The following DCLK3 variants were observed in gnomAD, a reference collection of about 807,000 sequenced individuals.
DCLK3 encodes the protein doublecortin like kinase 3, also known as serine/threonine-protein kinase DCLK3.
In DCLK3, 30 loss-of-function variants were observed where a neutral mutation model predicts 46.4. The observed-to-expected ratio is 0.65, with a 90% confidence interval of 0.48 to 0.88. The LOEUF (loss-of-function observed/expected upper bound fraction) is 0.88. DCLK3 is among the 40% of genes least tolerant of loss of function. The probability of loss-of-function intolerance (pLI) is 0.00; values close to 1 mark genes in which losing one functional copy is unlikely to be tolerated. For missense variants in DCLK3, 846 were observed against 907.1 expected (o/e 0.93, Z 0.87); for synonymous variants, 401 against 339.2 (o/e 1.18, Z -2.00).
rs547610267 is a variant in DCLK3, at chr3:36,735,373, G to T, written c.1959+1835C>A. ...AATTGTTCAAAGAGAGTTATTTGAT[G>T]GTAATTCAGACCCCTCATCCAACCA... On this transcript the variant is annotated intron_variant, in intron 2 of 4. Transcript: ENST00000636136. 2.6e-5 allele frequency among the ~76,000 whole-genome samples: 4 copies of T among 152,290 alleles called. No homozygotes were observed. The East Asian group carries it at 5.8e-4, about 22-fold the overall frequency.
chr3:36,716,599 C>A (rs1203786694), intron 4 of DCLK3, among the ~76,000 whole-genome samples: 1 of 152,258 alleles, frequency 6.6e-6, no homozygotes, highest in Non-Finnish European at 1.5e-5. Flanking sequence ...CAAGCTCTGT[C>A]TAACCCCTCC....
chr3:36,749,200 TGA>T (rs1478421919), intron 1 of DCLK3, among the ~76,000 whole-genome samples: 2 of 152,222 alleles, frequency 1.3e-5, no homozygotes, highest in Non-Finnish European at 2.9e-5. Context: ...TGATTGGGGC[TGA>T]GTTTCGCTTT....
intron 2 of DCLK3, among the ~76,000 whole-genome samples, chr3:36,734,442 A>G (rs1701235213): frequency 6.6e-6 from 1 of 152,210 alleles, no homozygotes. Context: ...CCTATTCCAC[A>G]TAAGATGGCT....
At chr3:36,730,480 T>C (rs1205709386) in intron 2 of DCLK3, among the ~76,000 whole-genome samples, 3 of 152,274 alleles carry the variant, frequency 2.0e-5, no homozygotes, top group Non-Finnish European at 4.4e-5. Flanking sequence ...AAAGTTCTTT[T>C]TCTTATGAAG....
At chr3:36,734,685 CTG>C (rs902428778) in intron 2 of DCLK3, among the ~76,000 whole-genome samples, 41 of 152,204 alleles carry the variant, frequency 2.7e-4, no homozygotes, top group African/African-American at 9.4e-4. Flanking sequence ...TATAACCACT[CTG>C]TAGTTTGCCT....
At chr3:36,740,782 TACATGGAA>T (rs1428261258) in intron 1 of DCLK3, among the ~76,000 whole-genome samples, 4 of 152,234 alleles carry the variant, frequency 2.6e-5, no homozygotes, top group Non-Finnish European at 5.9e-5. Context: ...TGTCATATCC[TACATGGAA>T]GAATCTGCTG....
chr3:36,721,878 A>G (rs1446500948), intron 2 of DCLK3, among the ~76,000 whole-genome samples: 1 of 152,230 alleles, frequency 6.6e-6, no homozygotes, highest in East Asian at 1.9e-4. Flanking sequence ...GCCGTCCAAT[A>G]TGGTAGCACC....
intron 1 of DCLK3, among the ~76,000 whole-genome samples, chr3:36,742,980 C>G (rs1701358851): frequency 6.6e-6 from 1 of 152,152 alleles, no homozygotes; most frequent in Non-Finnish European, 1.5e-5. Flanking sequence ...CTGCCCGAGT[C>G]CACTCAGCTC....
intron 2 of DCLK3, among the ~76,000 whole-genome samples, chr3:36,726,461 T>C (rs949313908): frequency 6.6e-6 from 1 of 152,088 alleles, no homozygotes; most frequent in African/African-American, 2.4e-5. Context: ...ACATCTCTCC[T>C]GGAACTGGGG....
chr3:36,734,960 C>A (rs1366885915), intron 2 of DCLK3, among the ~76,000 whole-genome samples: 3 of 152,196 alleles, frequency 2.0e-5, no homozygotes, highest in Non-Finnish European at 4.4e-5. Context: ...GCTTCTATTG[C>A]CCAAGAGATG....
intron 1 of DCLK3, among the ~76,000 whole-genome samples, chr3:36,762,448 C>T (rs1009994231): frequency 2.0e-5 from 3 of 151,952 alleles, no homozygotes; most frequent in Non-Finnish European, 2.9e-5. Context: ...GCAAGCCAAG[C>T]GAGGGAAACA....
At chr3:36,762,064 C>A (rs1701544778) in intron 1 of DCLK3, among the ~76,000 whole-genome samples, 1 of 152,036 alleles carries the variant, frequency 6.6e-6, no homozygotes, top group Non-Finnish European at 1.5e-5. Context: ...TTTTGCTTTT[C>A]TGAGCACCAC....
At chr3:36,746,623 C>G (rs1328930764) in intron 1 of DCLK3, among the ~76,000 whole-genome samples, 1 of 152,216 alleles carries the variant, frequency 6.6e-6, no homozygotes, top group Non-Finnish European at 1.5e-5. Flanking sequence ...GCATTTTCCT[C>G]TCTTTCCAGA....
At position 36,737,352 on chromosome 3, in the gene DCLK3, T is replaced by A; in HGVS notation, c.1815A>T (p.Gly605=). 1 of 1,614,174 alleles carries A rather than the reference T, an allele frequency of 6.2e-7. No homozygotes were observed. The highest frequency in any genetic ancestry group is 8.5e-7 in the Non-Finnish European group (1 of 1,180,034). The change falls in exon 2 of 5, where the codon GGA becomes GGT. Residue 605 remains glycine (G), a synonymous_variant. Coordinates refer to ENST00000636136, the MANE Select transcript of DCLK3 (RefSeq NM_001394672.2). The surrounding 1 kb of genome is among the most constrained non-coding windows in gnomAD (Gnocchi z 4.4). ...CTATGATGGCGTCAAAAAGGTCTCC[T>A]CCCTGCACGTACTCCAGGATCAGGT... ...EIYLILEYVQ[G]GDLFDAIIES... is the part of the protein sequence containing the mutation.
intron 1 of DCLK3, among the ~76,000 whole-genome samples, chr3:36,754,350 G>A (rs1249361082): frequency 6.6e-6 from 1 of 152,088 alleles, no homozygotes; most frequent in Admixed American, 6.6e-5. Context: ...AAATTAATAA[G>A]CCCACTGATT....
intron 1 of DCLK3, among the ~76,000 whole-genome samples, chr3:36,754,702 T>C (rs1260268109): frequency 6.6e-6 from 1 of 152,208 alleles, no homozygotes; most frequent in Non-Finnish European, 1.5e-5. Context: ...ACTCTGCACA[T>C]GTTCTGTGAT....
At chr3:36,759,736 T>C (rs1701521714) in intron 1 of DCLK3, among the ~76,000 whole-genome samples, 1 of 152,082 alleles carries the variant, frequency 6.6e-6, no homozygotes, top group Non-Finnish European at 1.5e-5. Flanking sequence ...AGAATACTAT[T>C]CCACACACTC....
At chr3:36,756,375 C>T (rs1701484563) in intron 1 of DCLK3, among the ~76,000 whole-genome samples, 1 of 152,204 alleles carries the variant, frequency 6.6e-6, no homozygotes, top group African/African-American at 2.4e-5. Flanking sequence ...AACCATGCCC[C>T]TGCAACCAAA....
intron 3 of DCLK3, among the ~76,000 whole-genome samples, chr3:36,719,721 T>C (rs1303102411): frequency 6.6e-6 from 1 of 152,186 alleles, no homozygotes; most frequent in African/African-American, 2.4e-5. Flanking sequence ...TTCACCTCCT[T>C]GCCAAGTGGA....
Sources: gnomAD v4.1 joint callset for allele counts (sites outside exome capture counted in the v4.1 genomes callset) on GRCh38, gnomAD v4.1.1 for gene constraint, Gnocchi (gnomAD v3.1) non-coding constraint, MANE v1.5 for transcripts, NCBI Gene and HGNC (gene_info 2026-07-23, HGNC 2026-07-21) for gene names.